The following MNAT1 variants were observed in gnomAD, a reference collection of about 807,000 sequenced individuals.
MNAT1 encodes MNAT1 component of CDK activating kinase, also known as CDK-activating kinase assembly factor MAT1.
Under a neutral mutation model 42.0 loss-of-function variants are expected in MNAT1, and 43 were observed. The ratio of observed to expected loss-of-function variants is 1.02; its 90% confidence interval spans 0.80 to 1.32. The LOEUF is 1.32. Ranked by LOEUF, MNAT1 falls within the 40% of genes most tolerant of loss-of-function variation. MNAT1 has a pLI of 0.00. For synonymous variants in MNAT1, 118 were observed against 120.0 expected (o/e 0.98, Z 0.11); for missense variants, 306 against 350.4 (o/e 0.87, Z 1.01).
chr14:60,856,776 T>C (rs2033969343), intron 6 of MNAT1, among the ~76,000 whole-genome samples: 1 of 150,904 alleles, frequency 6.6e-6, no homozygotes, highest in African/African-American at 2.4e-5. Context: ...CGCCTCCTGG[T>C]TTCAAGCGTT....
At chr14:60,773,405 C>T (rs2031136414) in intron 1 of MNAT1, among the ~76,000 whole-genome samples, 1 of 152,022 alleles carries the variant, frequency 6.6e-6, no homozygotes, top group Admixed American at 6.5e-5. Context: ...ATGAGCATAA[C>T]AAATGTGATC....
chr14:60,939,817 A>T (rs939406297), intron 7 of MNAT1, among the ~76,000 whole-genome samples: 1 of 152,126 alleles, frequency 6.6e-6, no homozygotes, highest in Non-Finnish European at 1.5e-5. Context: ...GATCTGTCTA[A>T]CGTTGAGAGT....
intron 6 of MNAT1, among the ~76,000 whole-genome samples, chr14:60,866,020 T>G (rs2034194592): frequency 6.6e-6 from 1 of 152,116 alleles, no homozygotes. Flanking sequence ...AAAATTCAAA[T>G]GCTTGTCATA....
chr14:60,915,234 A>G (rs1179331708), intron 7 of MNAT1, among the ~76,000 whole-genome samples: 2 of 152,124 alleles, frequency 1.3e-5, no homozygotes, highest in African/African-American at 4.8e-5. Context: ...TTCCAATTTT[A>G]TAGCTGTCTC....
chr14:60,752,945 A>G (rs867813751), intron 1 of MNAT1, among the ~76,000 whole-genome samples: 105 of 152,224 alleles, frequency 6.9e-4, no homozygotes, highest in African/African-American at 2.4e-3. Flanking sequence ...TTGTATTTTT[A>G]GTAGAGACAG....
At chr14:60,826,970 A>G (rs75571112) in intron 6 of MNAT1, among the ~76,000 whole-genome samples, 3,631 of 152,176 alleles carry the variant, frequency 0.024, 108 homozygotes, top group East Asian at 0.062. Flanking sequence ...GCGAAGGCAC[A>G]TTGGTCATCT....
intron 7 of MNAT1, among the ~76,000 whole-genome samples, chr14:60,952,369 A>C (rs2036399597): frequency 6.6e-6 from 1 of 152,178 alleles, no homozygotes; most frequent in South Asian, 2.1e-4. Context: ...TAAGAAGATT[A>C]ATTTGGTAAC....
chr14:60,739,333 T>C (rs1485919340), intron 1 of MNAT1, among the ~76,000 whole-genome samples: 1 of 151,980 alleles, frequency 6.6e-6, no homozygotes, highest in African/African-American at 2.4e-5. Context: ...ATACCAAGAG[T>C]GTGAATATCA....
chr14:60,798,274 A>G (rs985340258), intron 3 of MNAT1, 114 bp downstream of exon 3: 19 of 527,204 alleles, frequency 3.6e-5, no homozygotes, highest in African/African-American at 3.2e-4. Flanking sequence ...TGTGATAGCT[A>G]ACATTTACCT....
chr14:60,872,773 C>G (rs1470307938), intron 6 of MNAT1, among the ~76,000 whole-genome samples: 1 of 150,954 alleles, frequency 6.6e-6, no homozygotes, highest in Non-Finnish European at 1.5e-5. Context: ...ACAATGAATA[C>G]TCACATGCCT....
intron 1 of MNAT1, among the ~76,000 whole-genome samples, chr14:60,767,908 C>T (rs2030897162): frequency 6.6e-6 from 1 of 152,130 alleles, no homozygotes; most frequent in Non-Finnish European, 1.5e-5. Flanking sequence ...GGACTATAGG[C>T]ACACGCCACC....
intron 5 of MNAT1, among the ~76,000 whole-genome samples, chr14:60,815,803 C>T (rs917640965): frequency 3.9e-5 from 6 of 152,186 alleles, no homozygotes; most frequent in African/African-American, 1.4e-4. Context: ...CAATTAATTA[C>T]AACAGATTGG....
At chr14:60,783,731 C>T (rs548145022) in intron 1 of MNAT1, among the ~76,000 whole-genome samples, 3 of 152,184 alleles carry the variant, frequency 2.0e-5, no homozygotes, top group African/African-American at 7.2e-5. Context: ...CTCCTGACCT[C>T]GTGATCTGCC....
intron 1 of MNAT1, among the ~76,000 whole-genome samples, chr14:60,764,777 G>A (rs1465422507): frequency 2.6e-5 from 4 of 152,210 alleles, no homozygotes; most frequent in Admixed American, 2.0e-4. Flanking sequence ...TTAGCAAATG[G>A]TAGTAGCTGA....
chr14:60,845,995 T>C (rs964428745), intron 6 of MNAT1, among the ~76,000 whole-genome samples: 3 of 152,168 alleles, frequency 2.0e-5, no homozygotes, highest in Non-Finnish European at 4.4e-5. Flanking sequence ...CAGTGAACCA[T>C]CTGGTTTTGG....
chr14:60,880,234 C>G (rs190268340), intron 7 of MNAT1, among the ~76,000 whole-genome samples: 3 of 152,130 alleles, frequency 2.0e-5, no homozygotes, highest in Admixed American at 2.0e-4. Context: ...TACAGTGAAA[C>G]TACATTTATG....
chr14:60,849,501 AGTG>A (rs968034108), intron 6 of MNAT1, among the ~76,000 whole-genome samples: 21 of 152,198 alleles, frequency 1.4e-4, no homozygotes, highest in African/African-American at 4.3e-4. Context: ...AATATAATGA[AGTG>A]TTTTGAACTG....
intron 7 of MNAT1, among the ~76,000 whole-genome samples, chr14:60,894,245 C>T (rs892369402): frequency 3.3e-5 from 5 of 151,126 alleles, no homozygotes; most frequent in Admixed American, 2.6e-4. Context: ...GGCACCCAAT[C>T]TTTGCTCCTC....
intron 1 of MNAT1, among the ~76,000 whole-genome samples, chr14:60,787,548 C>T (rs1036993967): frequency 1.3e-5 from 2 of 152,190 alleles, no homozygotes; most frequent in African/African-American, 2.4e-5. Flanking sequence ...TTTATTGACT[C>T]TTCCTTTCAT....
Sources: gnomAD v4.1 joint callset for allele counts (sites outside exome capture counted in the v4.1 genomes callset) on GRCh38, gnomAD v4.1.1 for gene constraint, MANE v1.5 for transcripts, NCBI Gene and HGNC (gene_info 2026-07-23, HGNC 2026-07-21) for gene names.